The following SPATA22 variants were observed in gnomAD, a reference collection of about 807,000 sequenced individuals.
The protein encoded by SPATA22 is spermatogenesis associated 22.
SPATA22 carries 29 observed loss-of-function variants against 47.8 expected under a neutral mutation model. That is an observed-to-expected ratio of 0.61 (90% CI 0.45 to 0.83). The LOEUF (loss-of-function observed/expected upper bound fraction) is 0.83, where lower values mean the gene tolerates loss of function less well. Ranked by LOEUF, SPATA22 falls within the 40% of genes least tolerant of loss-of-function variation. SPATA22 has a pLI of 0.00. For synonymous variants in SPATA22, 133 were observed against 140.9 expected (o/e 0.94, Z 0.40); for missense variants, 410 against 421.7 (o/e 0.97, Z 0.24).
intron 1 of SPATA22, among the ~76,000 whole-genome samples, chr17:3,491,341 C>T (rs2073820568): frequency 1.3e-5 from 2 of 152,022 alleles, no homozygotes; most frequent in Admixed American, 1.3e-4. Flanking sequence ...GAATAAACAA[C>T]ACTTGAGAAC....
At chr17:3,499,042 C>G in intron 1 of SPATA22, 1 of 1,614,148 alleles carries the variant, frequency 6.2e-7, no homozygotes, top group Non-Finnish European at 8.5e-7. Flanking sequence ...GCAAAGACAA[C>G]TAAACTAACG....
At chr17:3,509,935 CAT>C (rs1472086303) in intron 1 of SPATA22, among the ~76,000 whole-genome samples, 5 of 152,046 alleles carry the variant, frequency 3.3e-5, no homozygotes, top group South Asian at 2.1e-4. Context: ...AGCTTTTTTT[CAT>C]ATGTTTGTTG....
At chr17:3,455,517 T>C (rs1200695199) in intron 5 of SPATA22, among the ~76,000 whole-genome samples, 1 of 144,782 alleles carries the variant, frequency 6.9e-6, no homozygotes, top group African/African-American at 2.5e-5. Context: ...TACATATGGC[T>C]AGCCAGTTTT....
chr17:3,486,660 A>G (rs2073727621), intron 1 of SPATA22, among the ~76,000 whole-genome samples: 1 of 152,240 alleles, frequency 6.6e-6, no homozygotes, highest in South Asian at 2.1e-4. Flanking sequence ...TACAATTAAA[A>G]TTACAACTTA....
In SPATA22 at chr17:3,490,396, C is replaced by T. The variant is rs1165316834; in HGVS notation, c.-73-20998G>A. ...TTTACTTTAAAATGGAAAATAGTTG[C>T]TTAAAATCAAAGAGACATTCTATGT... On this transcript the variant is annotated intron_variant, in intron 1 of 8. Transcript: ENST00000541913. The surrounding 1 kb of genome is among the most constrained non-coding windows in gnomAD (Gnocchi z 4.6). 6.6e-6 allele frequency among the ~76,000 whole-genome samples: 1 copy of T among 152,102 alleles called. No individual in the cohort carries two copies. The highest frequency in any genetic ancestry group is 1.9e-4 in the East Asian group (1 of 5,200).
rs767901193 is a variant in SPATA22, at chr17:3,483,487, G to T, written c.-73-14089C>A. 1.2e-5 allele frequency: 19 copies of T among 1,612,182 alleles called. No individual in the cohort carries two copies. Among genetic ancestry groups the T allele is most frequent in the South Asian group, 5.5e-5 (5 of 91,008 alleles). On this transcript the variant is annotated intron_variant, in intron 1 of 8. Transcript: ENST00000541913. ...GTTTTTACCTAAGAAAGACGTTTTT[G>T]ATTTTTTTCAGACTTCTCTGGCTCC...
upstream of SPATA22, among the ~76,000 whole-genome samples, chr17:3,474,401 A>G (rs2073491160): frequency 6.6e-6 from 1 of 152,210 alleles, no homozygotes; most frequent in African/African-American, 2.4e-5. Context: ...CAAACTACAA[A>G]TCAGCAGAAA....
At chr17:3,464,517 T>C (rs2073226951) in intron 3 of SPATA22, among the ~76,000 whole-genome samples, 12 of 101,400 alleles carry the variant, frequency 1.2e-4, no homozygotes, top group South Asian at 3.5e-4. Context: ...CCGGCCGCCG[T>C]CCCATCTAGG....
rs191451756 is a variant in SPATA22 at position 3,495,247 on chromosome 17, G to A, written c.-74+18165C>T. ...ACCTCAGAGATGGAAGAGAACTGGTGGATTATCTAGTCCAGGGCTTTCAAC... is the reference window on the plus strand; with the variant it reads ...ACCTCAGAGATGGAAGAGAACTGGTAGATTATCTAGTCCAGGGCTTTCAAC... On this transcript the variant is annotated intron_variant, in intron 1 of 8. Coordinates refer to the SPATA22 transcript ENST00000541913. Among the ~76,000 whole-genome samples, 39 of 152,296 alleles carry A rather than the reference G, an allele frequency of 2.6e-4. No homozygotes were observed. In the East Asian group the frequency reaches 5.4e-3, roughly 21 times the overall value.
intron 1 of SPATA22, chr17:3,481,465 A>G (rs2073625572): frequency 2.8e-6 from 2 of 722,232 alleles, no homozygotes; most frequent in African/African-American, 1.8e-5. Context: ...TAAACATTTC[A>G]GGTAAGTTTT....
intron 5 of SPATA22, among the ~76,000 whole-genome samples, chr17:3,459,596 C>T (rs543543238): frequency 1.2e-4 from 18 of 152,154 alleles, no homozygotes; most frequent in Non-Finnish European, 2.4e-4. Flanking sequence ...TTGGTAGAGA[C>T]GGGGTTTCCC....
upstream of SPATA22, chr17:3,476,023 T>C: frequency 2.6e-6 from 2 of 764,888 alleles, no homozygotes; most frequent in Non-Finnish European, 4.3e-6. Context: ...AATTAAAATA[T>C]ACTCCACTCA....
chr17:3,480,925 GC>G (rs2073616338), intron 1 of SPATA22, among the ~76,000 whole-genome samples: 2 of 152,180 alleles, frequency 1.3e-5, no homozygotes, highest in Admixed American at 1.3e-4. Flanking sequence ...TTCAAGACCA[GC>G]CTGGGCAACA....
intron 1 of SPATA22, among the ~76,000 whole-genome samples, chr17:3,508,542 C>G (rs570051648): frequency 6.9e-6 from 1 of 144,072 alleles, no homozygotes; most frequent in African/African-American, 2.6e-5. Context: ...AAATGTGGCA[C>G]ATATACACCA....
chr17:3,506,261 T>A (rs1306584520), intron 1 of SPATA22, among the ~76,000 whole-genome samples: 1 of 152,150 alleles, frequency 6.6e-6, no homozygotes, highest in East Asian at 1.9e-4. Context: ...GGCTGCCCCA[T>A]CAGGCTTGGT....
intron 6 of SPATA22, among the ~76,000 whole-genome samples, 154 bp downstream of exon 6, chr17:3,448,653 T>C (rs2072782482): frequency 6.6e-6 from 1 of 152,198 alleles, no homozygotes; most frequent in African/African-American, 2.4e-5. Flanking sequence ...GAAACTAACA[T>C]TCATCCACTT....
At chr17:3,465,067 G>A (rs1334493480) in intron 3 of SPATA22, among the ~76,000 whole-genome samples, 2 of 96,174 alleles carry the variant, frequency 2.1e-5, no homozygotes, top group African/African-American at 3.9e-5. Context: ...GGAGGGAGGT[G>A]GGGGGTCAGC....
In SPATA22 at chr17:3,488,238, GT is replaced by G. The variant is rs2073761618; in HGVS notation, c.-73-18841del. Among the ~76,000 whole-genome samples, 1 of 152,182 alleles carries G rather than the reference GT, an allele frequency of 6.6e-6. No homozygotes were observed. The highest frequency in any genetic ancestry group is 1.5e-5 in the Non-Finnish European group (1 of 68,034). Reference sequence around the variant, plus strand: ...CAGGAAGGAAGGGTCTACAAAAGTAGTTTAAAGAAAGAGTATTTTGTAGATG... The same window carrying G: ...CAGGAAGGAAGGGTCTACAAAAGTAGTTAAAGAAAGAGTATTTTGTAGATG... On this transcript the variant is annotated intron_variant, in intron 1 of 8. Transcript: ENST00000541913. The surrounding 1 kb of genome is among the most constrained non-coding windows in gnomAD (Gnocchi z 6.1).
chr17:3,503,750 G>C (rs763044493), intron 1 of SPATA22, among the ~76,000 whole-genome samples: 3 of 151,978 alleles, frequency 2.0e-5, no homozygotes, highest in African/African-American at 7.3e-5. Flanking sequence ...TAGCCACTTT[G>C]AGTTTTATTT....
Sources: allele counts gnomAD v4.1 joint callset (sites outside exome capture counted in the v4.1 genomes callset), GRCh38; gene constraint gnomAD v4.1.1; non-coding constraint Gnocchi (gnomAD v3.1); transcripts MANE v1.5; gene names NCBI Gene and HGNC (gene_info 2026-07-23, HGNC 2026-07-21).